Variants in CADM2 observed in about 807,000 individuals in gnomAD.
CADM2 encodes immunoglobulin superfamily member 4D.
Under a neutral mutation model 49.8 loss-of-function variants are expected in CADM2, and 12 were observed. That is an observed-to-expected ratio of 0.24 (90% CI 0.15 to 0.39). The LOEUF is 0.39. CADM2 is among the 10% of genes least tolerant of loss of function. CADM2 has a pLI of 1.00. For synonymous variants in CADM2, 214 were observed against 175.4 expected (o/e 1.22, Z -1.74); for missense variants, 378 against 492.3 (o/e 0.77, Z 2.20).
chr3:85,712,798 C>A (rs1164443817), intron 1 of CADM2, among the ~76,000 whole-genome samples: 1 of 151,884 alleles, frequency 6.6e-6, no homozygotes, highest in African/African-American at 2.4e-5. Flanking sequence ...AAATCTAGGT[C>A]ATGTTTGACT....
intron 1 of CADM2, among the ~76,000 whole-genome samples, chr3:85,444,152 A>T (rs2037335049): frequency 6.6e-6 from 1 of 152,074 alleles, no homozygotes; most frequent in Non-Finnish European, 1.5e-5. Flanking sequence ...CACCTATAGA[A>T]CTTGTACTCT....
At chr3:85,538,900 C>T (rs573285086) in intron 1 of CADM2, among the ~76,000 whole-genome samples, 2 of 109,116 alleles carry the variant, frequency 1.8e-5, no homozygotes, top group Non-Finnish European at 4.5e-5. Flanking sequence ...CATTATATTG[C>T]AGAGCTATAT....
At chr3:85,483,064 T>C (rs1344076617) in intron 1 of CADM2, among the ~76,000 whole-genome samples, 1 of 151,584 alleles carries the variant, frequency 6.6e-6, no homozygotes, top group Non-Finnish European at 1.5e-5. Context: ...TCTCAAAACA[T>C]AACTTGGCCA....
chr3:85,013,154 A>T (rs917689911), intron 1 of CADM2, among the ~76,000 whole-genome samples: 1 of 151,796 alleles, frequency 6.6e-6, no homozygotes, highest in Non-Finnish European at 1.5e-5. Flanking sequence ...AAAAAAAAAA[A>T]AAAATACCAA....
At chr3:85,170,701 A>G (rs2040602050) in intron 1 of CADM2, among the ~76,000 whole-genome samples, 2 of 152,090 alleles carry the variant, frequency 1.3e-5, no homozygotes, top group Non-Finnish European at 2.9e-5. Context: ...GAAGCTTTTT[A>G]TATTTGTTTG....
intron 1 of CADM2, among the ~76,000 whole-genome samples, chr3:84,985,789 A>C (rs1482377321): frequency 6.6e-6 from 1 of 152,210 alleles, no homozygotes; most frequent in East Asian, 1.9e-4. Context: ...GTGGGTCTAA[A>C]CTGAATGTAC....
intron 1 of CADM2, among the ~76,000 whole-genome samples, chr3:85,560,387 A>AG (rs1324731675): frequency 6.6e-6 from 1 of 152,238 alleles, no homozygotes; most frequent in African/African-American, 2.4e-5. Flanking sequence ...AATAAGCTGA[A>AG]GTACTAGATG....
chr3:85,347,497 A>G (rs866033233), intron 1 of CADM2, among the ~76,000 whole-genome samples: 1 of 146,292 alleles, frequency 6.8e-6, no homozygotes, highest in South Asian at 2.1e-4. Context: ...TTTCATATAT[A>G]TATAAATATA....
At chr3:84,984,087 T>C (rs925247445) in intron 1 of CADM2, among the ~76,000 whole-genome samples, 5 of 150,486 alleles carry the variant, frequency 3.3e-5, no homozygotes, top group African/African-American at 1.2e-4. Flanking sequence ...ACACTTATTT[T>C]AAAAGGCACA....
chr3:86,014,870 T>A (rs1304000352), intron 8 of CADM2: 11 of 1,542,556 alleles, frequency 7.1e-6, no homozygotes, highest in Non-Finnish European at 9.7e-6. Flanking sequence ...CTAATGTGTA[T>A]GCATTGATGA....
At chr3:86,013,795 G>T in intron 8 of CADM2, 1 of 1,588,860 alleles carries the variant, frequency 6.3e-7, no homozygotes, top group South Asian at 1.1e-5. Flanking sequence ...GAGAAGTGGG[G>T]ATTAAATATG....
intron 2 of CADM2, among the ~76,000 whole-genome samples, chr3:85,785,259 T>C (rs978907623): frequency 1.3e-5 from 2 of 152,128 alleles, no homozygotes; most frequent in African/African-American, 4.8e-5. Flanking sequence ...TATTTTTTAG[T>C]GTCAGATTCA....
intron 8 of CADM2, among the ~76,000 whole-genome samples, chr3:86,022,054 A>AT (rs1441705477): frequency 6.6e-6 from 1 of 152,142 alleles, no homozygotes; most frequent in East Asian, 1.9e-4. Flanking sequence ...ATCTATATGC[A>AT]TTTTTACTGT....
intron 1 of CADM2, among the ~76,000 whole-genome samples, chr3:85,110,289 TG>T: frequency 6.6e-6 from 1 of 151,576 alleles, no homozygotes; most frequent in East Asian, 1.9e-4. Flanking sequence ...AGAGAAACTG[TG>T]GGGGGCAGAT....
At chr3:85,331,590 T>A (rs2044928541) in intron 1 of CADM2, among the ~76,000 whole-genome samples, 1 of 151,916 alleles carries the variant, frequency 6.6e-6, no homozygotes, top group Admixed American at 6.6e-5. Flanking sequence ...AGAGTTTTAC[T>A]TATAAGAATA....
chr3:85,209,444 T>C (rs2041724487), intron 1 of CADM2, among the ~76,000 whole-genome samples: 1 of 152,160 alleles, frequency 6.6e-6, no homozygotes, highest in Non-Finnish European at 1.5e-5. Context: ...TCAAATTCTC[T>C]CGAAGCCCAA....
intron 1 of CADM2, among the ~76,000 whole-genome samples, chr3:85,599,651 T>G (rs2063339357): frequency 6.6e-6 from 1 of 151,344 alleles, no homozygotes; most frequent in Non-Finnish European, 1.5e-5. Context: ...TAAAATTATA[T>G]CCCCTAAAAA....
intron 1 of CADM2, among the ~76,000 whole-genome samples, chr3:85,223,408 T>C (rs2107796083): frequency 6.6e-6 from 1 of 152,206 alleles, no homozygotes; most frequent in African/African-American, 2.4e-5. Context: ...ATTCATCCTA[T>C]CTCCCTAGAA....
chr3:85,993,341 T>C (rs1729015076), intron 8 of CADM2: 1 of 152,250 alleles, frequency 6.6e-6, no homozygotes, highest in East Asian at 1.9e-4. Flanking sequence ...TTCACTCACA[T>C]CTTTAGGCTC....
Sources: gnomAD v4.1 joint callset for allele counts (sites outside exome capture counted in the v4.1 genomes callset) on GRCh38, gnomAD v4.1.1 for gene constraint, MANE v1.5 for transcripts, NCBI Gene and HGNC (gene_info 2026-07-23, HGNC 2026-07-21) for gene names.